LRP1B: variants seen among roughly 807,000 people sequenced by gnomAD.
LRP1B encodes low-density lipoprotein receptor-related protein 1B.
In LRP1B, 217 loss-of-function variants were observed where a neutral mutation model predicts 556.6. The ratio of observed to expected loss-of-function variants is 0.39; its 90% CI spans 0.35 to 0.44. The LOEUF (loss-of-function observed/expected upper bound fraction) is 0.44. LRP1B is among the 20% of genes least tolerant of loss of function. LRP1B has a pLI of 1.00. For missense variants in LRP1B, 5,053 were observed against 5,620.8 expected (o/e 0.90, Z 3.23); for synonymous variants, 2,047 against 1,865.8 (o/e 1.10, Z -2.50).
At chr2:141,311,390 G>A (rs1214383331) in intron 3 of LRP1B, among the ~76,000 whole-genome samples, 1 of 152,068 alleles carries the variant, frequency 6.6e-6, no homozygotes, top group African/African-American at 2.4e-5. Context: ...GATACAGTAG[G>A]ATACTGGGGA....
At chr2:140,245,558 G>T (rs1681115415) in intron 87 of LRP1B, among the ~76,000 whole-genome samples, 1 of 151,276 alleles carries the variant, frequency 6.6e-6, no homozygotes, top group Non-Finnish European at 1.5e-5. Context: ...ATTTATAAAT[G>T]GAGCATGTTC....
At chr2:141,377,236 A>G (rs1689469917) in intron 3 of LRP1B, among the ~76,000 whole-genome samples, 1 of 152,180 alleles carries the variant, frequency 6.6e-6, no homozygotes, top group Non-Finnish European at 1.5e-5. Context: ...AAATATATTC[A>G]TCCAAAAAAT....
At chr2:140,924,078 C>A (rs1406074899) in intron 20 of LRP1B, among the ~76,000 whole-genome samples, 1 of 151,864 alleles carries the variant, frequency 6.6e-6, no homozygotes, top group African/African-American at 2.4e-5. Flanking sequence ...TCTTGCATAG[C>A]TCTATCTAGC....
chr2:140,243,614 G>A (rs1681040619), intron 87 of LRP1B, among the ~76,000 whole-genome samples: 1 of 151,096 alleles, frequency 6.6e-6, no homozygotes. Context: ...ACATTGTAAT[G>A]TTAAAAATTG....
intron 59 of LRP1B, among the ~76,000 whole-genome samples, chr2:140,478,208 G>A (rs927874402): frequency 6.7e-6 from 1 of 148,514 alleles, no homozygotes; most frequent in Admixed American, 6.7e-5. Context: ...GGAGTGCAGT[G>A]GTGTAATCTC....
At chr2:141,618,635 C>CTT (rs1356392113) in intron 2 of LRP1B, among the ~76,000 whole-genome samples, 1 of 152,138 alleles carries the variant, frequency 6.6e-6, no homozygotes, top group African/African-American at 2.4e-5. Flanking sequence ...GTCAGGATGC[C>CTT]ACTACAATAG....
rs186427324 is a variant in LRP1B at position 141,100,010 on chromosome 2, T to C, written c.1014-37737A>G. On this transcript the variant is annotated intron_variant, in intron 7 of 90. Coordinates refer to ENST00000389484, the MANE Select transcript of LRP1B (RefSeq NM_018557.3). The stretch of plus-strand genomic sequence containing the variant: ...CACTTAAATGACATTGTCTGAATAA[T>C]GACCTCTATTTTTCCTTTCTATCCT... Among the ~76,000 whole-genome samples the C allele has an allele frequency of 1.1e-4, 17 of 152,330 alleles. No homozygotes were observed. In the East Asian group the frequency reaches 1.7e-3, roughly 16 times the overall value.
intron 15 of LRP1B, among the ~76,000 whole-genome samples, chr2:141,001,303 G>T (rs17521293): frequency 1.5e-5 from 2 of 132,532 alleles, no homozygotes; most frequent in Admixed American, 1.7e-4. Flanking sequence ...AATTGAATAA[G>T]CCTGTAAGCT....
At chr2:140,262,276 A>T (rs569372148) in intron 86 of LRP1B, among the ~76,000 whole-genome samples, 144 of 152,292 alleles carry the variant, frequency 9.5e-4, no homozygotes, top group African/African-American at 3.1e-3. Context: ...AATAAAAGCT[A>T]GTTTTAATAA....
chr2:140,962,212 G>A (rs993269245), intron 18 of LRP1B, among the ~76,000 whole-genome samples: 5 of 152,142 alleles, frequency 3.3e-5, no homozygotes, highest in Non-Finnish European at 5.9e-5. Flanking sequence ...TTAAAAGAAT[G>A]TAGCGATCTT....
intron 32 of LRP1B, among the ~76,000 whole-genome samples, chr2:140,789,595 C>CAAGCACGA (rs1292757798): frequency 6.7e-6 from 1 of 148,522 alleles, no homozygotes; most frequent in Non-Finnish European, 1.5e-5. Flanking sequence ...TGAGGCATGC[C>CAAGCACGA]AAGCACGATC....
intron 1 of LRP1B, among the ~76,000 whole-genome samples, chr2:141,944,800 T>G (rs1700907286): frequency 2.0e-5 from 3 of 152,164 alleles, no homozygotes; most frequent in Admixed American, 2.0e-4. Context: ...GGCATCTTTG[T>G]GGTTTTGAAT....
chr2:141,228,760 A>G (rs1396495935), intron 6 of LRP1B, among the ~76,000 whole-genome samples: 1 of 152,180 alleles, frequency 6.6e-6, no homozygotes, highest in Non-Finnish European at 1.5e-5. Flanking sequence ...AAAGAGAGTT[A>G]ACACAGGTAG....
rs554165000 is a variant in LRP1B, at chr2:140,869,602, C to T, written c.4170-1339G>A. Among the ~76,000 whole-genome samples the T allele has an allele frequency of 7.2e-5, 11 of 152,038 alleles. No homozygotes were observed. In the South Asian group the frequency reaches 2.1e-3, roughly 29 times the overall value. On this transcript the variant is annotated intron_variant, in intron 25 of 90. Coordinates refer to ENST00000389484, the MANE Select transcript of LRP1B (RefSeq NM_018557.3). ...AAAGACCAGAAAAGATGATAGTGGT[C>T]TAGAGTATGGTGGTGGCAATAAAGG...
intron 3 of LRP1B, among the ~76,000 whole-genome samples, chr2:141,377,802 G>C (rs1689493174): frequency 6.6e-6 from 1 of 152,012 alleles, no homozygotes; most frequent in African/African-American, 2.4e-5. Context: ...TTGCATTTTA[G>C]TATTACCAAC....
chr2:141,436,620 G>A (rs1010168045), intron 3 of LRP1B, among the ~76,000 whole-genome samples: 2 of 133,030 alleles, frequency 1.5e-5, no homozygotes, highest in African/African-American at 2.8e-5. Flanking sequence ...TGATATATAT[G>A]TATTTTTTAA....
chr2:141,954,296 A>C (rs1191843118), intron 1 of LRP1B, among the ~76,000 whole-genome samples: 2 of 152,080 alleles, frequency 1.3e-5, no homozygotes, highest in Non-Finnish European at 2.9e-5. Context: ...ATGCTACCTA[A>C]CTCATAAGTT....
chr2:141,784,080 C>G (rs1379939098), intron 2 of LRP1B, among the ~76,000 whole-genome samples: 1 of 151,826 alleles, frequency 6.6e-6, no homozygotes, highest in African/African-American at 2.4e-5. Context: ...TTTGTTGGTA[C>G]TTTAAAAGTG....
chr2:141,022,665 C>G (rs941450009), intron 11 of LRP1B, among the ~76,000 whole-genome samples: 2 of 151,874 alleles, frequency 1.3e-5, no homozygotes, highest in South Asian at 2.1e-4. Context: ...TTAAACAGAT[C>G]AGGGACACAT....
Sources: gnomAD v4.1 joint callset for allele counts (sites outside exome capture counted in the v4.1 genomes callset) on GRCh38, gnomAD v4.1.1 for gene constraint, MANE v1.5 for transcripts, NCBI Gene and HGNC (gene_info 2026-07-23, HGNC 2026-07-21) for gene names.